IGF2BP3: variants seen among roughly 807,000 people sequenced by gnomAD.
IGF2BP3 encodes the protein insulin like growth factor 2 mRNA binding protein 3.
In IGF2BP3, 9 loss-of-function variants were observed where a neutral mutation model predicts 73.8. The ratio of observed to expected loss-of-function variants is 0.12; its 90% CI spans 0.07 to 0.21. The LOEUF is 0.21. Ranked by LOEUF, IGF2BP3 falls within the 10% of genes least tolerant of loss-of-function variation. IGF2BP3 has a pLI of 1.00. For synonymous variants in IGF2BP3, 258 were observed against 256.7 expected, an observed-to-expected ratio of 1.01 and a Z score of -0.05; for missense variants, 542 against 714.0, an observed-to-expected ratio of 0.76 and a Z score of 2.75.
At chr7:23,388,691 C>A (rs370782677) in intron 3 of IGF2BP3, among the ~76,000 whole-genome samples, 3 of 150,270 alleles carry the variant, frequency 2.0e-5, no homozygotes, top group African/African-American at 7.3e-5. Context: ...GAAGTTTCTG[C>A]CTTTAGTTAA....
At chr7:23,456,717 T>C (rs1029528983) in intron 2 of IGF2BP3, among the ~76,000 whole-genome samples, 3 of 149,976 alleles carry the variant, frequency 2.0e-5, no homozygotes, top group African/African-American at 4.9e-5. Flanking sequence ...AAGAAGCTCT[T>C]TGTTGTCAAA....
At chr7:23,345,543 C>T (rs1351245944) in intron 8 of IGF2BP3, among the ~76,000 whole-genome samples, 1 of 152,242 alleles carries the variant, frequency 6.6e-6, no homozygotes, top group East Asian at 1.9e-4. Context: ...AACCACCCAG[C>T]TAAGCTGCTC....
intron 3 of IGF2BP3, among the ~76,000 whole-genome samples, chr7:23,411,069 C>G (rs186475562): frequency 2.4e-4 from 36 of 152,310 alleles, no homozygotes; most frequent in Non-Finnish European, 4.4e-4. Context: ...AGGCACCTAC[C>G]GAGAACATGC....
chr7:23,353,516 C>G (rs979848481), intron 5 of IGF2BP3, among the ~76,000 whole-genome samples: 1 of 152,204 alleles, frequency 6.6e-6, no homozygotes, highest in Non-Finnish European at 1.5e-5. Context: ...GGCACCGTCA[C>G]CAACCCTCCA....
chr7:23,366,055 A>G lies in IGF2BP3; in HGVS notation c.286-4314T>C, dbSNP rs1008081282. ...AAATATACATTAAAATTTTCACTGC[A>G]TATATTCAAAACAAAATTGCCTGTA... On this transcript the variant is annotated intron_variant, in intron 3 of 14. Transcript: ENST00000258729. 3.9e-5 allele frequency: 6 copies of G among 152,298 alleles called. No homozygotes were observed. In the East Asian group the frequency reaches 1.2e-3, roughly 29 times the overall value. The allele number at this position is 152,298 out of a possible 1,614,324, so 9.4% of individuals were successfully genotyped here.
chr7:23,382,241 TA>T (rs1785935564), intron 3 of IGF2BP3, among the ~76,000 whole-genome samples: 1 of 151,954 alleles, frequency 6.6e-6, no homozygotes, highest in African/African-American at 2.4e-5. Flanking sequence ...GATGCTGTTT[TA>T]AAAAAACAAA....
intron 5 of IGF2BP3, 145 bp from the exon 6 acceptor site, chr7:23,351,731 C>T: frequency 1.3e-6 from 1 of 772,216 alleles, no homozygotes; most frequent in South Asian, 1.8e-5. Context: ...AAACCCGCAA[C>T]ACACATAATC....
At chr7:23,431,110 T>G (rs1371471993) in intron 2 of IGF2BP3, 1 of 152,202 alleles carries the variant, frequency 6.6e-6, no homozygotes, top group East Asian at 1.9e-4. Context: ...TATCTGTACA[T>G]ACACACATAC....
intron 3 of IGF2BP3, among the ~76,000 whole-genome samples, chr7:23,393,945 C>T (rs761876123): frequency 1.4e-4 from 22 of 152,024 alleles, no homozygotes; most frequent in Non-Finnish European, 2.5e-4. Flanking sequence ...AGAGGCCAGT[C>T]GAGTTATTAG....
chr7:23,327,014 ATATG>A (rs1249312360), intron 10 of IGF2BP3, among the ~76,000 whole-genome samples: 1 of 151,628 alleles, frequency 6.6e-6, no homozygotes, highest in Admixed American at 6.6e-5. Flanking sequence ...ACATGTATAC[ATATG>A]TAACTAACCT....
rs557197567 is a variant in IGF2BP3 at position 23,340,354 on chromosome 7, G to A, written c.1203+1710C>T. Among the ~76,000 whole-genome samples the A allele has an allele frequency of 3.9e-5, 6 of 152,262 alleles. No homozygotes were observed. In the South Asian group the frequency reaches 8.3e-4, roughly 21 times the overall value. On this transcript the variant is annotated intron_variant, in intron 10 of 14. Transcript: ENST00000258729. ...TGACAGTAAAGGCAGAAACACACAC[G>A]GCAGGAGGGCAACTGCTTAGAACCC...
At chr7:23,431,417 G>C (rs1738430429) in intron 2 of IGF2BP3, 1 of 152,122 alleles carries the variant, frequency 6.6e-6, no homozygotes, top group African/African-American at 2.4e-5. Flanking sequence ...GAAGAAACTA[G>C]ATACTTTAGG....
chr7:23,380,085 C>T (rs1562713477), intron 3 of IGF2BP3, among the ~76,000 whole-genome samples: 1 of 151,320 alleles, frequency 6.6e-6, no homozygotes, highest in Non-Finnish European at 1.5e-5. Flanking sequence ...AATGTTCAGC[C>T]GTGAATACAA....
chr7:23,371,530 C>T (rs957061074), intron 3 of IGF2BP3, among the ~76,000 whole-genome samples: 14 of 152,060 alleles, frequency 9.2e-5, no homozygotes, highest in Non-Finnish European at 1.9e-4. Flanking sequence ...AAATATCCAC[C>T]TTAATGTATA....
At chr7:23,466,824 A>G (rs1160564531) in intron 2 of IGF2BP3, among the ~76,000 whole-genome samples, 2 of 152,230 alleles carry the variant, frequency 1.3e-5, no homozygotes, top group Admixed American at 1.3e-4. Context: ...ATGAATTGTA[A>G]AAATCCAAAA....
At chr7:23,451,978 T>C (rs1433855247) in intron 2 of IGF2BP3, among the ~76,000 whole-genome samples, 1 of 150,334 alleles carries the variant, frequency 6.7e-6, no homozygotes, top group Non-Finnish European at 1.5e-5. Context: ...GAATAGGGTA[T>C]GTTTTCTTTT....
intron 2 of IGF2BP3, among the ~76,000 whole-genome samples, chr7:23,461,963 C>T (rs1788458978): frequency 6.6e-6 from 1 of 152,160 alleles, no homozygotes; most frequent in Admixed American, 6.6e-5. Flanking sequence ...AGAAGACTAG[C>T]AGCTTCCATT....
chr7:23,448,437 T>A (rs1584055837), intron 2 of IGF2BP3, among the ~76,000 whole-genome samples: 1 of 152,172 alleles, frequency 6.6e-6, no homozygotes, highest in African/African-American at 2.4e-5. Context: ...AGAGACAGGA[T>A]CTCACTCTGT....
intron 3 of IGF2BP3, among the ~76,000 whole-genome samples, chr7:23,407,365 T>A (rs1237286843): frequency 6.6e-6 from 1 of 150,564 alleles, no homozygotes; most frequent in Non-Finnish European, 1.5e-5. Flanking sequence ...TCCCAGCACT[T>A]TGGGAGGCCG....
Sources: gnomAD v4.1 joint callset for allele counts (sites outside exome capture counted in the v4.1 genomes callset) on GRCh38, gnomAD v4.1.1 for gene constraint, MANE v1.5 for transcripts, NCBI Gene and HGNC (gene_info 2026-07-23, HGNC 2026-07-21) for gene names.